Variants in LRRK2 observed in about 807,000 individuals in gnomAD.
LRRK2 encodes the protein leucine rich repeat kinase 2, also known as leucine-rich repeat serine/threonine-protein kinase 2.
LRRK2 carries 203 observed loss-of-function variants against 302.6 expected under a neutral mutation model. The ratio of observed to expected loss-of-function variants is 0.67; its 90% CI spans 0.60 to 0.75. The LOEUF (loss-of-function observed/expected upper bound fraction) is 0.75. LRRK2 is among the 30% of genes least tolerant of loss of function. The pLI is 0.00. For missense variants in LRRK2, 2,830 were observed against 2,951.0 expected (o/e 0.96, Z 0.95); for synonymous variants, 1,066 against 1,031.9 (o/e 1.03, Z -0.63).
chr12:40,367,463 T>C, intron 50 of LRRK2, 181 bp from the exon 51 acceptor site: 1 of 473,884 alleles, frequency 2.1e-6, no homozygotes, highest in Non-Finnish European at 3.6e-6. Context: ...GTTTCTATAA[T>C]GTATTATAAA....
intron 41 of LRRK2, among the ~76,000 whole-genome samples, chr12:40,342,231 T>C (rs1946066254): frequency 6.6e-6 from 1 of 152,176 alleles, no homozygotes; most frequent in African/African-American, 2.4e-5. Flanking sequence ...GCCAGCTGAG[T>C]TCACCTTGGT....
At chr12:40,358,713 C>A (rs1024466869) in intron 46 of LRRK2, among the ~76,000 whole-genome samples, 2 of 128,070 alleles carry the variant, frequency 1.6e-5, no homozygotes, top group South Asian at 2.8e-4. Context: ...GGCTCTTTTT[C>A]GGTTCCACTC....
chr12:40,354,889 A>G (rs919404480), intron 45 of LRRK2, among the ~76,000 whole-genome samples: 6 of 152,082 alleles, frequency 3.9e-5, no homozygotes, highest in African/African-American at 1.4e-4. Flanking sequence ...CCAGGCTTAA[A>G]CATACCAGTT....
At chr12:40,356,285 C>T (rs1946536672) in intron 46 of LRRK2, 98 bp downstream of exon 46, 1 of 820,380 alleles carries the variant, frequency 1.2e-6, no homozygotes, top group East Asian at 2.7e-5. Flanking sequence ...TCCCTGAGAG[C>T]AAGAATCATA....
At position 40,367,660 on chromosome 12, in the gene LRRK2, G is replaced by A; in HGVS notation, c.7479G>A (p.Leu2493=). ...TTTTTCTAGAGATACAATCTTGCTTGACCGTTTGGGACATCAATCTTCCAC... is the reference window on the plus strand; with the variant it reads ...TTTTTCTAGAGATACAATCTTGCTTAACCGTTTGGGACATCAATCTTCCAC... ...TQKQKEIQSC[L]TVWDINLPHE... The change falls in exon 51 of 51, where the codon TTG becomes TTA. Residue 2493 remains leucine (L), a synonymous_variant. Transcript: ENST00000298910. 1 of 1,602,732 alleles carries A rather than the reference G, an allele frequency of 6.2e-7. No individual in the cohort carries two copies. Among genetic ancestry groups the A allele is most frequent in the Non-Finnish European group, 8.5e-7 (1 of 1,173,594 alleles).
At chr12:40,328,274 C>A in intron 38 of LRRK2, 86 bp from the exon 39 acceptor site, 1 of 1,014,026 alleles carries the variant, frequency 9.9e-7, no homozygotes, top group Non-Finnish European at 1.5e-6. Flanking sequence ...AAATTTACAA[C>A]AGATATAATT....
chr12:40,301,402 G>A (rs17519957), intron 25 of LRRK2, among the ~76,000 whole-genome samples: 109 of 152,050 alleles, frequency 7.2e-4, no homozygotes, highest in African/African-American at 2.6e-3. Context: ...CCAGCCTGGC[G>A]ACAGAGCAAG....
intron 31 of LRRK2, among the ~76,000 whole-genome samples, chr12:40,311,199 A>G (rs1179190200): frequency 6.6e-6 from 1 of 152,084 alleles, no homozygotes; most frequent in East Asian, 1.9e-4. Context: ...AAGACCACTA[A>G]CTTGGTTTTC....
At chr12:40,307,093 T>C (rs1054509423) in intron 28 of LRRK2, among the ~76,000 whole-genome samples, 20 of 151,688 alleles carry the variant, frequency 1.3e-4, no homozygotes, top group Non-Finnish European at 2.8e-4. Context: ...TTTAAACATG[T>C]TTAACATTTT....
chr12:40,301,454 T>G (rs1809826127), intron 25 of LRRK2, among the ~76,000 whole-genome samples: 1 of 152,104 alleles, frequency 6.6e-6, no homozygotes, highest in African/African-American at 2.4e-5. Context: ...AAATCCCATG[T>G]AAAATAAAGT....
At chr12:40,295,339 G>A in intron 22 of LRRK2, 88 bp from the exon 23 acceptor site, 1 of 1,233,626 alleles carries the variant, frequency 8.1e-7, no homozygotes, top group Non-Finnish European at 1.2e-6. Flanking sequence ...AAGAAAGCCT[G>A]ATTGCTAGGA....
intron 18 of LRRK2, among the ~76,000 whole-genome samples, chr12:40,280,550 G>A (rs1015461259): frequency 6.0e-5 from 9 of 151,164 alleles, no homozygotes; most frequent in Admixed American, 4.6e-4. Flanking sequence ...ACTTGAGCCT[G>A]GGAGGTTGAG....
At chr12:40,365,617 T>C (rs1946853393) in intron 49 of LRRK2, 1 of 151,964 alleles carries the variant, frequency 6.6e-6, no homozygotes, top group South Asian at 2.1e-4. Context: ...TATTTGCGTC[T>C]TCCTTTGATA....
Position 40,258,456 on chromosome 12 carries a change from G to A in LRRK2, c.1419-1024G>A, listed in dbSNP as rs1317737747. On this transcript the variant is annotated intron_variant, in intron 12 of 50. Transcript: ENST00000298910. ...CGGAAGTGTGCAAACCTTTACAAAT[G>A]AGGCAAAAACACAGCGGAATAAACT... is the stretch of plus-strand genomic sequence containing the variant. Among the ~76,000 whole-genome samples the A allele has an allele frequency of 2.6e-5, 4 of 152,118 alleles. No individual in the cohort carries two copies. In the East Asian group the frequency reaches 7.7e-4, roughly 29 times the overall value.
intron 41 of LRRK2, among the ~76,000 whole-genome samples, chr12:40,345,117 G>A (rs988120538): frequency 5.3e-5 from 8 of 152,000 alleles, no homozygotes; most frequent in South Asian, 2.1e-4. Flanking sequence ...TTCATACTTC[G>A]TTATATTTTT....
chr12:40,325,675 C>T (rs1052587975), intron 38 of LRRK2, among the ~76,000 whole-genome samples: 2 of 152,168 alleles, frequency 1.3e-5, no homozygotes, highest in African/African-American at 2.4e-5. Flanking sequence ...TTACAGGTAG[C>T]GACTCCAGCA....
intron 44 of LRRK2, among the ~76,000 whole-genome samples, chr12:40,353,612 C>T (rs1363102586): frequency 6.6e-6 from 1 of 152,144 alleles, no homozygotes; most frequent in Non-Finnish European, 1.5e-5. Context: ...AATCTCGGCA[C>T]TTTGGGAGGC....
intron 20 of LRRK2, among the ~76,000 whole-genome samples, chr12:40,289,978 T>G (rs1944078844): frequency 6.6e-6 from 1 of 151,932 alleles, no homozygotes; most frequent in South Asian, 2.1e-4. Context: ...TTGAATAGAA[T>G]TGGTCAGACT....
intron 34 of LRRK2, among the ~76,000 whole-genome samples, chr12:40,320,684 T>A (rs2136883363): frequency 6.6e-6 from 1 of 152,224 alleles, no homozygotes; most frequent in Non-Finnish European, 1.5e-5. Flanking sequence ...CATTGATTGA[T>A]GGATGCAGCC....
Sources: gnomAD v4.1 joint callset for allele counts (sites outside exome capture counted in the v4.1 genomes callset) on GRCh38, gnomAD v4.1.1 for gene constraint, MANE v1.5 for transcripts, NCBI Gene and HGNC (gene_info 2026-07-23, HGNC 2026-07-21) for gene names.